SV2C: variants seen among roughly 807,000 people sequenced by gnomAD.
The protein encoded by SV2C is solute carrier family 22 member B3.
A neutral mutation model predicts 79.7 loss-of-function variants in SV2C; 49 were observed. That is an observed-to-expected ratio of 0.61 (90% CI 0.49 to 0.78). SV2C has a LOEUF of 0.78. Ranked by LOEUF, SV2C falls within the 30% of genes least tolerant of loss-of-function variation. The pLI is 0.00. For synonymous variants in SV2C, 334 were observed against 333.2 expected (o/e 1.00, Z -0.03); for missense variants, 833 against 912.9 (o/e 0.91, Z 1.13).
At position 76,145,914 on chromosome 5, in the gene SV2C, A is replaced by G. The variant is rs528284210; in HGVS notation, c.580+13584A>G. ...TGTTTGAACTCTCCTTCCAACACTC[A>G]TATAATAATAATTATATGTCCTTGC... On this transcript the variant is annotated intron_variant, in intron 2 of 12. Coordinates refer to ENST00000502798, the MANE Select transcript of SV2C (RefSeq NM_014979.4). 2.6e-5 allele frequency among the ~76,000 whole-genome samples: 4 copies of G among 152,312 alleles called. 1 individual carries two copies. The South Asian group carries it at 8.3e-4, about 32-fold the overall frequency.
intron 4 of SV2C, among the ~76,000 whole-genome samples, chr5:76,239,809 C>T (rs547563370): frequency 2.0e-5 from 3 of 152,222 alleles, no homozygotes; most frequent in Non-Finnish European, 2.9e-5. Flanking sequence ...CTACAGCATT[C>T]TGTTGCCACC....
At chr5:76,146,809 A>C (rs1458817237) in intron 2 of SV2C, among the ~76,000 whole-genome samples, 2 of 149,860 alleles carry the variant, frequency 1.3e-5, no homozygotes, top group African/African-American at 4.9e-5. Flanking sequence ...AAAAAAAAAA[A>C]AAAAAAAAAA....
chr5:76,090,280 T>A (rs1450487758), intron 1 of SV2C, among the ~76,000 whole-genome samples: 3 of 152,242 alleles, frequency 2.0e-5, no homozygotes, highest in Non-Finnish European at 4.4e-5. Flanking sequence ...TCTGTGAGTG[T>A]GGGGTCCCAT....
intron 2 of SV2C, among the ~76,000 whole-genome samples, chr5:76,159,718 A>G (rs749754661): frequency 3.9e-5 from 6 of 151,996 alleles, no homozygotes; most frequent in South Asian, 2.1e-4. Context: ...AATTGCACCA[A>G]TCATATTAGA....
the SV2C span, among the ~76,000 whole-genome samples, chr5:75,868,694 G>T: frequency 3.3e-5 from 5 of 152,166 alleles, no homozygotes; most frequent in Non-Finnish European, 7.4e-5. Context: ...GCTGAGGATT[G>T]AGAAGGGAAT....
At chr5:76,320,774 C>T (rs897553750) in intron 12 of SV2C, among the ~76,000 whole-genome samples, 3 of 152,030 alleles carry the variant, frequency 2.0e-5, no homozygotes, top group Non-Finnish European at 4.4e-5. Context: ...GTGGTTGCTG[C>T]CATTACTAGT....
chr5:75,915,679 T>C, the SV2C span, among the ~76,000 whole-genome samples: 1 of 152,176 alleles, frequency 6.6e-6, no homozygotes, highest in Admixed American at 6.5e-5. Context: ...GGATTTGTGG[T>C]CCACTTGGAG....
chr5:76,047,209 C>T, the SV2C span, among the ~76,000 whole-genome samples: 2 of 152,154 alleles, frequency 1.3e-5, no homozygotes, highest in African/African-American at 4.8e-5. Flanking sequence ...AATTAAGAAG[C>T]AGAACCTTCC....
intron 4 of SV2C, among the ~76,000 whole-genome samples, chr5:76,266,735 G>A (rs1283619066): frequency 6.6e-6 from 1 of 152,080 alleles, no homozygotes; most frequent in Admixed American, 6.6e-5. Flanking sequence ...GAGCTGGATG[G>A]TGGTGCTGGT....
the SV2C span, among the ~76,000 whole-genome samples, chr5:75,999,128 A>G: frequency 6.6e-6 from 1 of 152,070 alleles, no homozygotes; most frequent in Non-Finnish European, 1.5e-5. Context: ...AGACTTATTC[A>G]CTATCACGAG....
chr5:75,890,159 C>A, the SV2C span, among the ~76,000 whole-genome samples: 1 of 151,892 alleles, frequency 6.6e-6, no homozygotes, highest in Non-Finnish European at 1.5e-5. Context: ...CTAAAATTAC[C>A]CACAATGTAG....
At chr5:76,061,268 T>TAAAAAAAAAAAAAAAAAA in the SV2C span, among the ~76,000 whole-genome samples, 2 of 51,618 alleles carry the variant, frequency 3.9e-5, no homozygotes, top group African/African-American at 8.9e-5. Flanking sequence ...CTTCAATTTG[T>TAAAAAAAAAAAAAAAAAA]AAAAAAAAAA....
At chr5:76,140,439 T>C (rs564385649) in intron 2 of SV2C, among the ~76,000 whole-genome samples, 1 of 152,292 alleles carries the variant, frequency 6.6e-6, no homozygotes, top group Non-Finnish European at 1.5e-5. Context: ...GGATAAATAT[T>C]CTGTTGGGAT....
the SV2C span, among the ~76,000 whole-genome samples, chr5:75,867,873 A>T: frequency 2.6e-5 from 4 of 152,228 alleles, no homozygotes; most frequent in Non-Finnish European, 5.9e-5. Flanking sequence ...AGAAAATTTT[A>T]GCTGAGTGCA....
At chr5:75,937,057 A>G in the SV2C span, among the ~76,000 whole-genome samples, 3 of 100,720 alleles carry the variant, frequency 3.0e-5, no homozygotes, top group Non-Finnish European at 5.8e-5. Flanking sequence ...TCACACTGGC[A>G]TAAAGAAATC....
chr5:76,131,630 C>T lies in SV2C; in HGVS notation c.-101-20C>T, dbSNP rs1748893380. 1.5e-6 allele frequency: 1 copy of T among 663,212 alleles called. No homozygotes were observed. Among genetic ancestry groups the T allele is most frequent in the African/African-American group, 1.8e-5 (1 of 54,844 alleles). The allele number at this position is 663,212 out of a possible 1,614,324, so 41.1% of individuals were successfully genotyped here. A position where few individuals can be genotyped will look rare whatever the true frequency, so the allele number is the denominator to read the frequency against. The stretch of plus-strand genomic sequence containing the variant: ...TATAGAAAGGAATAATAAGTATCTC[C>T]TCTATTTCTTCTTTCGCAGTTCTGT... On this transcript the variant is annotated intron_variant, in intron 1 of 12. Transcript: ENST00000502798.
chr5:75,852,686 C>T, the SV2C span, among the ~76,000 whole-genome samples: 1 of 151,766 alleles, frequency 6.6e-6, no homozygotes, highest in Admixed American at 6.6e-5. Flanking sequence ...ATTAGCTGGG[C>T]GTGGTGGCAG....
At chr5:76,316,962 T>C (rs1748645455) in intron 12 of SV2C, among the ~76,000 whole-genome samples, 1 of 152,186 alleles carries the variant, frequency 6.6e-6, no homozygotes, top group African/African-American at 2.4e-5. Flanking sequence ...GGTTTCATCT[T>C]ATTAATTTTG....
chr5:76,180,728 G>A (rs909019422), intron 2 of SV2C, among the ~76,000 whole-genome samples: 3 of 152,126 alleles, frequency 2.0e-5, no homozygotes, highest in Non-Finnish European at 4.4e-5. Context: ...ACCTCTTCCA[G>A]GACGGGCCCA....
Sources: allele counts gnomAD v4.1 joint callset (sites outside exome capture counted in the v4.1 genomes callset), GRCh38; gene constraint gnomAD v4.1.1; transcripts MANE v1.5; gene names NCBI Gene and HGNC (gene_info 2026-07-23, HGNC 2026-07-21).